SYNE2: variants seen among roughly 807,000 people sequenced by gnomAD.
SYNE2 encodes the protein nesprin-2.
Under a neutral mutation model 856.3 loss-of-function variants are expected in SYNE2, and 431 were observed. The ratio of observed to expected loss-of-function variants is 0.50; its 90% CI spans 0.47 to 0.55. The LOEUF is 0.55. Among genes scored for constraint, SYNE2 ranks in the 20% least tolerant of loss-of-function variants. The probability of loss-of-function intolerance (pLI) is 0.00; values close to 1 mark genes in which losing one functional copy is unlikely to be tolerated. For missense variants in SYNE2, 8,129 were observed against 8,023.2 expected (o/e 1.01, Z -0.50); for synonymous variants, 2,923 against 2,872.3 (o/e 1.02, Z -0.56).
intron 1 of SYNE2, among the ~76,000 whole-genome samples, chr14:63,797,313 C>G (rs1298023048): frequency 1.3e-5 from 2 of 149,580 alleles, no homozygotes; most frequent in Admixed American, 6.7e-5. Flanking sequence ...ATTGCTTGAA[C>G]CCAGGAGGCG....
intron 63 of SYNE2, 21 bp from the exon 64 acceptor site, chr14:64,101,911 A>T: frequency 6.3e-7 from 1 of 1,586,468 alleles, no homozygotes. Flanking sequence ...CCCTTTGCTA[A>T]CCAATCGTTT....
chr14:64,150,697 G>A (rs910487482), intron 84 of SYNE2, among the ~76,000 whole-genome samples: 3 of 152,188 alleles, frequency 2.0e-5, no homozygotes, highest in Admixed American at 2.0e-4. Flanking sequence ...CTTTAGGAGA[G>A]ACTGTTTTAT....
At chr14:63,822,466 G>A (rs1889259744) in intron 1 of SYNE2, among the ~76,000 whole-genome samples, 1 of 152,136 alleles carries the variant, frequency 6.6e-6, no homozygotes, top group Non-Finnish European at 1.5e-5. Context: ...GGCATTTGTT[G>A]AAAACAATCA....
chr14:64,182,090 A>G (rs2098460634), intron 96 of SYNE2, among the ~76,000 whole-genome samples: 2 of 152,336 alleles, frequency 1.3e-5, no homozygotes, highest in East Asian at 1.9e-4. Context: ...CCCAAATGGT[A>G]GTACAGAGAA....
chr14:63,813,945 C>T (rs189172946), intron 1 of SYNE2, among the ~76,000 whole-genome samples: 2 of 152,198 alleles, frequency 1.3e-5, no homozygotes, highest in Admixed American at 1.3e-4. Context: ...GTAGTCCCAG[C>T]TACTCAGGAG....
intron 1 of SYNE2, among the ~76,000 whole-genome samples, chr14:63,859,581 G>T (rs908909286): frequency 6.6e-6 from 1 of 152,236 alleles, no homozygotes; most frequent in Non-Finnish European, 1.5e-5. Flanking sequence ...CAGTTTGGGA[G>T]GCCAAGGCAG....
chr14:64,125,319 A>G (rs1595691680), intron 71 of SYNE2, 109 bp downstream of exon 71: 2 of 1,464,020 alleles, frequency 1.4e-6, no homozygotes, highest in Admixed American at 1.8e-5. Context: ...CATGGAACAC[A>G]TAATGGAATG....
chr14:64,164,342 C>T (rs910935987), intron 89 of SYNE2, among the ~76,000 whole-genome samples: 2 of 152,110 alleles, frequency 1.3e-5, no homozygotes, highest in African/African-American at 4.8e-5. Flanking sequence ...AATCTCCTGA[C>T]CTCGTGATCC....
At chr14:63,960,824 T>C in intron 8 of SYNE2, 1 of 757,166 alleles carries the variant, frequency 1.3e-6, no homozygotes, top group Non-Finnish European at 2.4e-6. Flanking sequence ...ATTGGAGGAC[T>C]GTTTGAGGCC....
intron 38 of SYNE2, chr14:64,023,082 C>A (rs1178447841): frequency 5.8e-6 from 3 of 518,148 alleles, no homozygotes; most frequent in South Asian, 4.5e-5. Context: ...CATGGTGAAA[C>A]CTTATCTCTA....
chr14:64,019,933 G>T, intron 34 of SYNE2, 59 bp from the exon 35 acceptor site: 1 of 1,094,726 alleles, frequency 9.1e-7, no homozygotes, highest in Non-Finnish European at 1.4e-6. Flanking sequence ...GTAATTATGG[G>T]TATCAGAAAA....
intron 2 of SYNE2, among the ~76,000 whole-genome samples, chr14:63,931,379 G>A (rs903761933): frequency 3.3e-5 from 5 of 151,920 alleles, no homozygotes; most frequent in East Asian, 3.9e-4. Flanking sequence ...GTGAAACCCC[G>A]TCTGTACTAA....
intron 1 of SYNE2, among the ~76,000 whole-genome samples, chr14:63,825,743 C>G (rs776063891): frequency 6.6e-6 from 1 of 151,920 alleles, no homozygotes; most frequent in Non-Finnish European, 1.5e-5. Flanking sequence ...GGAATGGTGG[C>G]GGGCGCCTGT....
At chr14:64,181,569 G>A (rs1335578092) in intron 96 of SYNE2, among the ~76,000 whole-genome samples, 3 of 152,070 alleles carry the variant, frequency 2.0e-5, no homozygotes, top group East Asian at 1.9e-4. Flanking sequence ...CATTGAGTTC[G>A]TTCAACCCGT....
rs927615496 is a variant in SYNE2 at position 64,097,894 on chromosome 14, G to A, written c.12109-55G>A. 5.1e-6 allele frequency: 8 copies of A among 1,564,224 alleles called. No individual in the cohort carries two copies. In the African/African-American group the frequency reaches 1.1e-4, roughly 21 times the overall value. On this transcript the variant is annotated intron_variant, in intron 61 of 115. Coordinates refer to ENST00000555002, the MANE Select transcript of SYNE2 (RefSeq NM_182914.3). The stretch of plus-strand genomic sequence containing the variant: ...TGTACCAAAGGAAGCAGGCTGCTCT[G>A]GGCCTGCAGAGGCCTCAGACTTCTC...
intron 64 of SYNE2, among the ~76,000 whole-genome samples, chr14:64,103,089 C>T (rs1375163604): frequency 1.3e-5 from 2 of 152,116 alleles, no homozygotes; most frequent in African/African-American, 2.4e-5. Flanking sequence ...TCTTGGCTAC[C>T]GTGAATCTTT....
At chr14:64,145,955 G>A in intron 83 of SYNE2, 113 bp from the exon 84 acceptor site, 1 of 694,164 alleles carries the variant, frequency 1.4e-6, no homozygotes, top group Non-Finnish European at 2.3e-6. Context: ...CTTATTACAT[G>A]AAATATTAGA....
intron 48 of SYNE2, among the ~76,000 whole-genome samples, chr14:64,054,340 T>C (rs1343361716): frequency 6.6e-6 from 1 of 152,184 alleles, no homozygotes; most frequent in Non-Finnish European, 1.5e-5. Context: ...ATAACTAACA[T>C]TTATGTAGAA....
intron 45 of SYNE2, 70 bp downstream of exon 45, chr14:64,031,427 G>T: frequency 7.3e-7 from 1 of 1,374,870 alleles, no homozygotes; most frequent in Non-Finnish European, 1.0e-6. Context: ...TCTGAAAAGA[G>T]GGTCGTGAAT....
Sources: gnomAD v4.1 joint callset for allele counts (sites outside exome capture counted in the v4.1 genomes callset) on GRCh38, gnomAD v4.1.1 for gene constraint, MANE v1.5 for transcripts, NCBI Gene and HGNC (gene_info 2026-07-23, HGNC 2026-07-21) for gene names.